Variants in PCDHA1 observed in about 807,000 individuals in gnomAD.
PCDHA1 encodes protocadherin alpha-1.
A neutral mutation model predicts 61.3 loss-of-function variants in PCDHA1; 42 were observed. The observed-to-expected ratio is 0.69, with a 90% CI of 0.54 to 0.89. The LOEUF is 0.89. PCDHA1 is among the 40% of genes least tolerant of loss of function. PCDHA1 has a pLI of 0.00. For missense variants in PCDHA1, 1,256 were observed against 1,235.3 expected (o/e 1.02, Z -0.25); for synonymous variants, 610 against 553.8 (o/e 1.10, Z -1.43).
chr5:140,850,815 C>A (rs2041835353), intron 1 of PCDHA1: 1 of 1,598,236 alleles, frequency 6.3e-7, no homozygotes, highest in East Asian at 2.2e-5. Flanking sequence ...GGCCTTCAGC[C>A]CGGGCCTTTC....
At chr5:140,936,972 T>C (rs2091238144) in intron 1 of PCDHA1, among the ~76,000 whole-genome samples, 2 of 152,314 alleles carry the variant, frequency 1.3e-5, no homozygotes, top group South Asian at 4.1e-4. Context: ...TATAAAAATA[T>C]GAAGCTTGTT....
chr5:140,823,692 C>G (rs1179206603), intron 1 of PCDHA1: 3 of 1,613,816 alleles, frequency 1.9e-6, no homozygotes, highest in Non-Finnish European at 1.7e-6. Flanking sequence ...TGGATGAGAC[C>G]GAAGCACCGC....
intron 1 of PCDHA1, among the ~76,000 whole-genome samples, chr5:140,977,965 C>T (rs782117847): frequency 3.3e-5 from 5 of 152,150 alleles, no homozygotes; most frequent in Non-Finnish European, 5.9e-5. Context: ...CCTCAATCTC[C>T]GCCCATGAAA....
intron 1 of PCDHA1, among the ~76,000 whole-genome samples, chr5:140,913,412 T>G (rs2076324998): frequency 6.6e-6 from 1 of 152,222 alleles, no homozygotes; most frequent in African/African-American, 2.4e-5. Context: ...TTTGAATTCC[T>G]GCAGTATCAG....
chr5:140,826,596 G>T (rs1234934565), intron 1 of PCDHA1, among the ~76,000 whole-genome samples: 1 of 152,084 alleles, frequency 6.6e-6, no homozygotes, highest in Non-Finnish European at 1.5e-5. Context: ...TAACATTAAG[G>T]TTAAATTAAG....
At chr5:140,802,030 C>T (rs1762832001) in intron 1 of PCDHA1, 3 of 1,614,150 alleles carry the variant, frequency 1.9e-6, no homozygotes, top group Admixed American at 1.7e-5. Flanking sequence ...AAGGATATCG[C>T]GTATTCTTTC....
intron 1 of PCDHA1, among the ~76,000 whole-genome samples, chr5:140,948,132 C>G (rs1397250622): frequency 1.3e-5 from 2 of 151,526 alleles, no homozygotes; most frequent in African/African-American, 4.8e-5. Context: ...TTGGATTACA[C>G]TAATTGATTT....
intron 1 of PCDHA1, chr5:140,857,563 C>A (rs782037850): frequency 1.3e-6 from 2 of 1,596,904 alleles, no homozygotes; most frequent in Non-Finnish European, 8.6e-7. Flanking sequence ...CGCTGTCGAG[C>A]TACGTGTCGG....
Position 140,847,092 on chromosome 5 carries a change from G to T in PCDHA1, c.2394+58408G>T, listed in dbSNP as rs1176748439. ...ATGACAAGTAGAAAAGTCCACTTTG[G>T]TTAAAACACACAGTCTGCAGAGAAT... On this transcript the variant is annotated intron_variant, in intron 1 of 3. Coordinates refer to ENST00000504120, the MANE Select transcript of PCDHA1 (RefSeq NM_018900.4). 2.7e-5 allele frequency among the ~76,000 whole-genome samples: 4 copies of T among 149,688 alleles called. 1 individual carries two copies. The highest frequency in any genetic ancestry group is 4.9e-5 in the African/African-American group (2 of 40,860).
chr5:140,796,078 A>T, intron 1 of PCDHA1: 2 of 1,614,178 alleles, frequency 1.2e-6, no homozygotes, highest in Non-Finnish European at 8.5e-7. Context: ...CATTGCTCTC[A>T]TCACGGTGTC....
chr5:140,972,322 T>C (rs2096531924), intron 1 of PCDHA1, among the ~76,000 whole-genome samples: 1 of 151,968 alleles, frequency 6.6e-6, no homozygotes, highest in African/African-American at 2.4e-5. Context: ...AGGTGTTTTT[T>C]TTTTTTGGAA....
In PCDHA1 at chr5:140,877,394, A is replaced by G. The variant is rs538259450; in HGVS notation, c.2394+88710A>G. 5.6e-6 allele frequency: 9 copies of G among 1,613,930 alleles called. No individual in the cohort carries two copies. In the South Asian group the frequency reaches 8.8e-5, roughly 16 times the overall value. On this transcript the variant is annotated intron_variant, in intron 1 of 3. Transcript: ENST00000504120. ...ACGACACGCATCCTGGATGAGGCGG[A>G]CGCTCCGCGCCACCGCCTGCTGGTG... is the stretch of plus-strand genomic sequence containing the variant.
chr5:140,993,526 A>G (rs1554253825), intron 3 of PCDHA1, among the ~76,000 whole-genome samples: 1 of 147,824 alleles, frequency 6.8e-6, no homozygotes, highest in Admixed American at 6.7e-5. Flanking sequence ...AGAGAGACAG[A>G]GAGAGAGAGA....
At chr5:140,875,235 A>G in intron 1 of PCDHA1, 1 of 869,906 alleles carries the variant, frequency 1.1e-6, no homozygotes, top group South Asian at 2.5e-5. Context: ...TCTTTCTTGT[A>G]CTTACATAAT....
intron 1 of PCDHA1, chr5:140,803,943 G>A (rs539392067): frequency 2.7e-6 from 1 of 377,142 alleles, no homozygotes; most frequent in Non-Finnish European, 4.7e-6. Flanking sequence ...CCTATACAAT[G>A]CTTCTTCAAT....
chr5:141,006,002 G>T (rs185630910), intron 3 of PCDHA1, among the ~76,000 whole-genome samples: 1 of 151,740 alleles, frequency 6.6e-6, no homozygotes, highest in East Asian at 1.9e-4. Context: ...CTGAAAGAAG[G>T]CCTGTATGGT....
intron 1 of PCDHA1, among the ~76,000 whole-genome samples, chr5:140,973,426 C>T (rs1554235288): frequency 6.6e-6 from 1 of 152,192 alleles, no homozygotes; most frequent in East Asian, 1.9e-4. Flanking sequence ...GTTTTTCATC[C>T]TCTGATGGTC....
chr5:140,830,162 G>T (rs1554132602), intron 1 of PCDHA1: 1 of 1,613,386 alleles, frequency 6.2e-7, no homozygotes, highest in East Asian at 2.2e-5. Context: ...GGGCCCAGAG[G>T]CGGCGCTGGT....
chr5:141,005,049 T>C (rs1248594838), intron 3 of PCDHA1, among the ~76,000 whole-genome samples: 6 of 152,264 alleles, frequency 3.9e-5, no homozygotes, highest in African/African-American at 1.4e-4. Context: ...TACCATTTAC[T>C]GAATTCTTGC....
Sources: allele counts gnomAD v4.1 joint callset (sites outside exome capture counted in the v4.1 genomes callset), GRCh38; gene constraint gnomAD v4.1.1; transcripts MANE v1.5; gene names NCBI Gene and HGNC (gene_info 2026-07-23, HGNC 2026-07-21).